The following CDH12 variants were observed in gnomAD, a reference collection of about 807,000 sequenced individuals.
CDH12 encodes cadherin-12.
A neutral mutation model predicts 74.1 loss-of-function variants in CDH12; 41 were observed. The observed-to-expected ratio is 0.55, with a 90% CI of 0.43 to 0.72. The LOEUF is 0.72. Ranked by LOEUF, CDH12 falls within the 30% of genes least tolerant of loss-of-function variation. CDH12 has a pLI of 0.00. For synonymous variants in CDH12, 399 were observed against 355.0 expected (o/e 1.12, Z -1.39); for missense variants, 945 against 977.2 (o/e 0.97, Z 0.44).
At chr5:21,872,831 TATC>T (rs1488152143) in intron 6 of CDH12, among the ~76,000 whole-genome samples, 2 of 139,412 alleles carry the variant, frequency 1.4e-5, no homozygotes, top group East Asian at 2.1e-4. Flanking sequence ...TCTATCTATC[TATC>T]ATCTATTATC....
At chr5:21,981,217 A>G (rs1290205079) in intron 5 of CDH12, among the ~76,000 whole-genome samples, 2 of 152,184 alleles carry the variant, frequency 1.3e-5, no homozygotes, top group Non-Finnish European at 2.9e-5. Context: ...TCAATAAAAC[A>G]CTACGTGATA....
At chr5:22,589,158 G>T (rs1460116526) in intron 1 of CDH12, among the ~76,000 whole-genome samples, 1 of 152,102 alleles carries the variant, frequency 6.6e-6, no homozygotes, top group Non-Finnish European at 1.5e-5. Flanking sequence ...ATGAGCAGAG[G>T]CTTGATGATC....
chr5:21,877,367 T>C (rs1393047607), intron 6 of CDH12, among the ~76,000 whole-genome samples: 1 of 152,194 alleles, frequency 6.6e-6, no homozygotes, highest in Non-Finnish European at 1.5e-5. Context: ...CTTCCACAAG[T>C]CTGTAAGTTA....
At chr5:22,818,489 A>G (rs893437418) in intron 1 of CDH12, among the ~76,000 whole-genome samples, 2 of 152,038 alleles carry the variant, frequency 1.3e-5, no homozygotes, top group Non-Finnish European at 2.9e-5. Context: ...TTTTATATGT[A>G]TGTATGTGTG....
intron 1 of CDH12, among the ~76,000 whole-genome samples, chr5:22,517,080 G>T (rs1736845895): frequency 6.6e-6 from 1 of 151,826 alleles, no homozygotes; most frequent in South Asian, 2.1e-4. Context: ...ATCAGTAGGA[G>T]AATATAATAT....
At chr5:22,025,238 C>G (rs1211169269) in intron 5 of CDH12, among the ~76,000 whole-genome samples, 1 of 151,990 alleles carries the variant, frequency 6.6e-6, no homozygotes, top group Non-Finnish European at 1.5e-5. Flanking sequence ...AGGGAGCTTA[C>G]TTTTTGGACT....
rs1286898924 is a variant in CDH12, at chr5:22,552,480, G to A, written c.-522-47116C>T. On this transcript the variant is annotated intron_variant, in intron 1 of 14. Coordinates refer to ENST00000382254, the MANE Select transcript of CDH12 (RefSeq NM_004061.5). Reference sequence around the variant, plus strand: ...TTTTCACTCTGTTGCCCAGGCTGGAGTGCAGTGGCATGATCTTGGCTCACA... The same window carrying A: ...TTTTCACTCTGTTGCCCAGGCTGGAATGCAGTGGCATGATCTTGGCTCACA... Among the ~76,000 whole-genome samples the A allele has an allele frequency of 1.3e-5, 2 of 151,074 alleles. 1 individual carries two copies. The highest frequency in any genetic ancestry group is 4.2e-4 in the South Asian group (2 of 4,796).
chr5:22,309,028 C>T (rs112126333), intron 3 of CDH12, among the ~76,000 whole-genome samples: 21 of 151,988 alleles, frequency 1.4e-4, no homozygotes, highest in African/African-American at 2.4e-4. Context: ...AAGAGAAAGA[C>T]GCTCAATTAT....
intron 3 of CDH12, among the ~76,000 whole-genome samples, chr5:22,363,723 G>A (rs893404011): frequency 2.0e-5 from 3 of 152,074 alleles, no homozygotes; most frequent in Non-Finnish European, 1.5e-5. Flanking sequence ...TAGATCCAAG[G>A]CACTAAAAAA....
chr5:22,360,704 C>A (rs945291502), intron 3 of CDH12, among the ~76,000 whole-genome samples: 1 of 152,110 alleles, frequency 6.6e-6, no homozygotes, highest in Non-Finnish European at 1.5e-5. Flanking sequence ...AAACTGAATC[C>A]AGCAGCATGT....
intron 5 of CDH12, among the ~76,000 whole-genome samples, chr5:21,975,652 T>C (rs1454738392): frequency 3.3e-5 from 5 of 152,162 alleles, no homozygotes; most frequent in Non-Finnish European, 7.3e-5. Context: ...CGTCTATTAA[T>C]CTGCTTGCCT....
intron 6 of CDH12, among the ~76,000 whole-genome samples, chr5:21,935,651 T>C (rs1450728029): frequency 6.6e-6 from 1 of 152,242 alleles, no homozygotes; most frequent in East Asian, 1.9e-4. Flanking sequence ...TTTTTGACTA[T>C]AGTCACCCTG....
intron 4 of CDH12, among the ~76,000 whole-genome samples, chr5:22,145,061 G>A (rs1747068208): frequency 6.6e-6 from 1 of 151,994 alleles, no homozygotes; most frequent in African/African-American, 2.4e-5. Context: ...AAGACACTAA[G>A]GTTTTCAGAA....
In CDH12 at chr5:21,833,301, T is replaced by A. The variant is rs1328054317; in HGVS notation, c.814+8860A>T. On this transcript the variant is annotated intron_variant, in intron 8 of 14. Coordinates refer to ENST00000382254, the MANE Select transcript of CDH12 (RefSeq NM_004061.5). ...TATGTTATATAACATATAATATATATTATATGTTATATGTTATATAATATA... is the reference window on the plus strand; with the variant it reads ...TATGTTATATAACATATAATATATAATATATGTTATATGTTATATAATATA... 5.8e-5 allele frequency among the ~76,000 whole-genome samples: 3 copies of A among 52,060 alleles called. 1 individual carries two copies. The highest frequency in any genetic ancestry group is 3.9e-4 in the African/African-American group (2 of 5,174). 34.2% of individuals were successfully genotyped at this position (52,060 alleles called of 152,430 possible). A position where few individuals can be genotyped will look rare whatever the true frequency, so the allele number is the denominator to read the frequency against.
At chr5:22,468,659 C>T (rs1745835721) in intron 2 of CDH12, among the ~76,000 whole-genome samples, 2 of 151,896 alleles carry the variant, frequency 1.3e-5, no homozygotes, top group South Asian at 4.2e-4. Flanking sequence ...TGGTTTGAAC[C>T]TATAAAACAT....
intron 1 of CDH12, among the ~76,000 whole-genome samples, chr5:22,547,983 T>C (rs1318729609): frequency 6.6e-6 from 1 of 152,188 alleles, no homozygotes; most frequent in Non-Finnish European, 1.5e-5. Context: ...ATGAAATTAG[T>C]TTGTTTTGAT....
At chr5:22,018,437 T>A (rs949554650) in intron 5 of CDH12, among the ~76,000 whole-genome samples, 3 of 151,740 alleles carry the variant, frequency 2.0e-5, no homozygotes, top group African/African-American at 7.3e-5. Context: ...AATAATGTGA[T>A]CTCTGTGATT....
intron 4 of CDH12, among the ~76,000 whole-genome samples, chr5:22,125,647 G>A (rs1745813449): frequency 1.3e-5 from 2 of 152,130 alleles, no homozygotes; most frequent in Admixed American, 6.5e-5. Flanking sequence ...ACCTCTGCAA[G>A]TAAATACTCC....
intron 1 of CDH12, among the ~76,000 whole-genome samples, chr5:22,791,662 C>G (rs972788791): frequency 4.6e-5 from 7 of 152,154 alleles, no homozygotes; most frequent in African/African-American, 1.7e-4. Flanking sequence ...AATTGAATCA[C>G]AGTTCTAAAT....
Sources: gnomAD v4.1 joint callset for allele counts (sites outside exome capture counted in the v4.1 genomes callset) on GRCh38, gnomAD v4.1.1 for gene constraint, MANE v1.5 for transcripts, NCBI Gene and HGNC (gene_info 2026-07-23, HGNC 2026-07-21) for gene names.